The following CERS5 variants were observed in gnomAD, a reference collection of about 807,000 sequenced individuals.
CERS5 encodes LAG1 homolog, ceramide synthase 5.
In CERS5, 37 loss-of-function variants were observed where a neutral mutation model predicts 58.9. That is an observed-to-expected ratio of 0.63 (90% confidence interval 0.48 to 0.83). The LOEUF (loss-of-function observed/expected upper bound fraction) is 0.83, where lower values mean the gene tolerates loss of function less well. CERS5 is among the 40% of genes least tolerant of loss of function. The pLI is 0.00. For missense variants in CERS5, 398 were observed against 489.3 expected (o/e 0.81, Z 1.76); for synonymous variants, 147 against 177.8 (o/e 0.83, Z 1.38).
intron 4 of CERS5, 68 bp from the exon 5 acceptor site, chr12:50,138,685 T>C (rs1308844057): frequency 9.5e-6 from 13 of 1,363,562 alleles, no homozygotes; most frequent in Middle Eastern, 1.8e-4. Context: ...CTACCTCATA[T>C]AATCCCCTTC....
Position 50,134,775 on chromosome 12 carries a change from G to A in CERS5, c.873-73C>T. The A allele has an allele frequency of 5.8e-6, 8 of 1,389,912 alleles. No homozygotes were observed. In the Middle Eastern group the frequency reaches 8.6e-4, roughly 150 times the overall value. The allele number at this position is 1,389,912 out of a possible 1,614,324, so 86.1% of individuals were successfully genotyped here. On this transcript the variant is annotated intron_variant, in intron 8 of 9. Transcript: ENST00000317551. ...GACAGGGATGAAGCTGAGTCCTGGGGATGCAGAGCCCTGTGTGTTTTCCTA... is the reference window on the plus strand; with the variant it reads ...GACAGGGATGAAGCTGAGTCCTGGGAATGCAGAGCCCTGTGTGTTTTCCTA...
Position 50,166,137 on chromosome 12 carries a change from A to G in CERS5, c.197+964T>C, listed in dbSNP as rs1483463199. On this transcript the variant is annotated intron_variant, in intron 1 of 9. Transcript: ENST00000317551. ...CAGGAGTTACAGACCAGCCTGGCCA[A>G]CATGGCGAAACCCCGTCTCTACTAA... 5 of 258,098 alleles carry G rather than the reference A, an allele frequency of 1.9e-5. No homozygotes were observed. In the East Asian group the frequency reaches 6.9e-4, roughly 35 times the overall value. 16.0% of individuals were successfully genotyped at this position (258,098 alleles called of 1,614,324 possible).
At chr12:50,135,305 AGGAGT>A (rs1951620581) in intron 8 of CERS5, 5 of 216,952 alleles carry the variant, frequency 2.3e-5, no homozygotes, top group East Asian at 1.4e-4. Flanking sequence ...AGAGAGAGAG[AGGAGT>A]GTGTGTGTGT....
intron 4 of CERS5, 139 bp from the exon 5 acceptor site, chr12:50,138,756 A>C: frequency 1.4e-6 from 1 of 736,368 alleles, no homozygotes; most frequent in South Asian, 1.5e-5. Context: ...GGCTCCCTAA[A>C]GGATCAATAA....
Position 50,167,233 on chromosome 12 carries a change from C to T in CERS5, c.65G>A (p.Trp22Ter). 6.2e-7 allele frequency: 1 copy of T among 1,603,958 alleles called. No individual in the cohort carries two copies. Among genetic ancestry groups the T allele is most frequent in the Non-Finnish European group, 8.5e-7 (1 of 1,177,110 alleles). The change falls in exon 1 of 10, where the codon TGG becomes TAG. Residue 22 changes from tryptophan to a stop codon, truncating the protein, a stop_gained. Coordinates refer to ENST00000317551, the MANE Select transcript of CERS5 (RefSeq NM_147190.5). LOFTEE classifies it high-confidence loss of function. The stretch of plus-strand genomic sequence containing the variant: ...AGCCCAGCTCACGTTCTCGGGTAGC[C>T]AGAAGCGCTCGCTCCACAGCCAGCC... ...LWGWLWSERF[W>*]LPENVSWADL... is the part of the protein sequence containing the mutation.
rs1336857610 is a variant in CERS5 at position 50,133,099 on chromosome 12, T to TGTC, written c.1029+1444_1029+1446dup. The TGTC allele has an allele frequency of 4.7e-6, 6 of 1,284,092 alleles. No homozygotes were observed. In the African/African-American group the frequency reaches 9.1e-5, roughly 20 times the overall value. 79.5% of individuals were successfully genotyped at this position (1,284,092 alleles called of 1,614,324 possible). A position where few individuals can be genotyped will look rare whatever the true frequency, so the allele number is the denominator to read the frequency against. On this transcript the variant is annotated intron_variant, in intron 9 of 9. Transcript: ENST00000317551. ...AAAGAAAAGCAGGAGAGAACAGAGA[T>TGTC]GTCCAGTAGCTACAGCAAGATGCAC... is the stretch of plus-strand genomic sequence containing the variant.
intron 1 of CERS5, chr12:50,144,690 A>C: frequency 1.3e-6 from 1 of 754,776 alleles, no homozygotes; most frequent in Non-Finnish European, 2.1e-6. Flanking sequence ...AGGAAAGGTG[A>C]GAAGGAAATC....
Position 50,143,187 on chromosome 12 carries a change from C to T in CERS5, c.321G>A (p.Arg107=). The T allele has an allele frequency of 6.2e-7, 1 of 1,614,080 alleles. No individual in the cohort carries two copies. The highest frequency in any genetic ancestry group is 8.5e-7 in the Non-Finnish European group (1 of 1,180,002). The stretch of plus-strand genomic sequence containing the variant: ...CCAGCTGCTTTGACAGGCCCTCCAG[C>T]CTTTTCTTATCAGGATACTGTGAAT... ...ISITKYPDKK[R]LEGLSKQLDW... is the part of the protein sequence containing the mutation. The change falls in exon 3 of 10, where the codon AGG becomes AGA. Residue 107 remains arginine, a synonymous_variant. Coordinates refer to ENST00000317551, the MANE Select transcript of CERS5 (RefSeq NM_147190.5).
At chr12:50,155,147 C>T (rs1221788487) in intron 1 of CERS5, among the ~76,000 whole-genome samples, 1 of 152,076 alleles carries the variant, frequency 6.6e-6, no homozygotes, top group African/African-American at 2.4e-5. Flanking sequence ...GGTGAGCCAT[C>T]GTGCCCGGTC....
chr12:50,148,260 G>A (rs941424489), intron 1 of CERS5, among the ~76,000 whole-genome samples: 2 of 151,636 alleles, frequency 1.3e-5, no homozygotes, highest in African/African-American at 2.4e-5. Flanking sequence ...CTGTGATTGC[G>A]CCACTGCACT....
intron 1 of CERS5, among the ~76,000 whole-genome samples, chr12:50,152,666 T>C (rs1938100159): frequency 6.6e-6 from 1 of 152,340 alleles, no homozygotes; most frequent in African/African-American, 2.4e-5. Flanking sequence ...TTTGTATGAC[T>C]ACTGCAAGCT....
At chr12:50,139,443 A>T (rs919593012) in intron 4 of CERS5, among the ~76,000 whole-genome samples, 1 of 152,054 alleles carries the variant, frequency 6.6e-6, no homozygotes, top group African/African-American at 2.4e-5. Flanking sequence ...TGATCACGCA[A>T]CTGCACTTCA....
intron 1 of CERS5, among the ~76,000 whole-genome samples, chr12:50,160,456 C>T (rs1939158672): frequency 6.6e-6 from 1 of 152,028 alleles, no homozygotes; most frequent in South Asian, 2.1e-4. Flanking sequence ...ATTGAGAAGG[C>T]TCTTTAGACA....
At chr12:50,155,016 C>A (rs561526290) in intron 1 of CERS5, among the ~76,000 whole-genome samples, 12 of 152,162 alleles carry the variant, frequency 7.9e-5, no homozygotes, top group African/African-American at 2.6e-4. Flanking sequence ...CACCACCATG[C>A]CTGGTTAATT....
At chr12:50,139,290 G>GGCA (rs961149741) in intron 4 of CERS5, among the ~76,000 whole-genome samples, 6 of 151,834 alleles carry the variant, frequency 4.0e-5, no homozygotes, top group Non-Finnish European at 7.4e-5. Flanking sequence ...GACCAACTTG[G>GGCA]GCAACAGAGT....
chr12:50,142,376 A>G (rs1013673572), intron 3 of CERS5, among the ~76,000 whole-genome samples: 5 of 152,010 alleles, frequency 3.3e-5, no homozygotes, highest in South Asian at 2.1e-4. Context: ...AACATAGTGA[A>G]ACCTTGTCTC....
chr12:50,162,846 C>T (rs141882789), intron 1 of CERS5, among the ~76,000 whole-genome samples: 4,463 of 152,146 alleles, frequency 0.029, 223 homozygotes, highest in African/African-American at 0.1. Context: ...TCAGGTGATC[C>T]GCCCGTCTCA....
chr12:50,145,943 G>A (rs1952245382), intron 1 of CERS5, among the ~76,000 whole-genome samples: 1 of 152,150 alleles, frequency 6.6e-6, no homozygotes, highest in African/African-American at 2.4e-5. Context: ...AGTAAATGAG[G>A]CCGTCATTCT....
chr12:50,155,082 T>C (rs574503518), intron 1 of CERS5, among the ~76,000 whole-genome samples: 1 of 152,192 alleles, frequency 6.6e-6, no homozygotes, highest in East Asian at 1.9e-4. Flanking sequence ...GGTCTTGAAC[T>C]CCTGACCTCA....
Sources: allele counts gnomAD v4.1 joint callset (sites outside exome capture counted in the v4.1 genomes callset), GRCh38; gene constraint gnomAD v4.1.1; transcripts MANE v1.5; gene names NCBI Gene and HGNC (gene_info 2026-07-23, HGNC 2026-07-21).